IL2RB: variants seen among roughly 807,000 people sequenced by gnomAD.
IL2RB encodes interleukin-2 receptor subunit beta.
A neutral mutation model predicts 44.2 loss-of-function variants in IL2RB; 17 were observed. The observed-to-expected ratio is 0.38, with a 90% confidence interval of 0.26 to 0.58. The LOEUF is 0.58. Ranked by LOEUF, IL2RB falls within the 20% of genes least tolerant of loss-of-function variation. The pLI, the probability that IL2RB is intolerant of heterozygous loss-of-function variation, is 0.63. For missense variants in IL2RB, 624 were observed against 685.5 expected (o/e 0.91, Z 1.00); for synonymous variants, 286 against 297.9 (o/e 0.96, Z 0.41).
intron 4 of IL2RB, among the ~76,000 whole-genome samples, chr22:37,142,182 G>A (rs1922000228): frequency 6.6e-6 from 1 of 152,230 alleles, no homozygotes; most frequent in Non-Finnish European, 1.5e-5. Flanking sequence ...AGGGGAGACA[G>A]CAGGAGCAGA....
downstream of IL2RB, chr22:37,125,842 G>A (rs1921085277): frequency 6.6e-6 from 1 of 152,118 alleles, no homozygotes; most frequent in Non-Finnish European, 1.5e-5. Flanking sequence ...ACACTATTTT[G>A]TTGCATTGTA....
chr22:37,142,615 GC>G (rs1569046161), intron 3 of IL2RB, 103 bp from the exon 4 acceptor site: 1 of 1,231,530 alleles, frequency 8.1e-7, no homozygotes, highest in Non-Finnish European at 1.2e-6. Flanking sequence ...GCACCAGGCA[GC>G]AAGGCCAGGC....
chr22:37,132,112 C>T (rs1428857216), intron 9 of IL2RB, among the ~76,000 whole-genome samples: 1 of 152,128 alleles, frequency 6.6e-6, no homozygotes. Context: ...TGTTTTTCTC[C>T]TCATCTAACA....
At chr22:37,139,697 C>T (rs1009251115) in intron 4 of IL2RB, among the ~76,000 whole-genome samples, 9 of 152,212 alleles carry the variant, frequency 5.9e-5, no homozygotes, top group African/African-American at 2.2e-4. Context: ...GAAAGGCCCT[C>T]CCCTCCCCTA....
chr22:37,159,823 C>T (rs919024158), intron 1 of IL2RB, among the ~76,000 whole-genome samples: 2 of 152,224 alleles, frequency 1.3e-5, no homozygotes, highest in African/African-American at 4.8e-5. Flanking sequence ...GGACCCCCCA[C>T]TTTGGTTGGC....
chr22:37,137,284 G>A (rs954250662), intron 6 of IL2RB, among the ~76,000 whole-genome samples: 10 of 152,240 alleles, frequency 6.6e-5, no homozygotes, highest in Admixed American at 2.6e-4. Flanking sequence ...ACACGTGGAG[G>A]GTTGGCTTCC....
At chr22:37,144,233 C>T in intron 1 of IL2RB, 28 bp from the exon 2 acceptor site, 2 of 1,516,524 alleles carry the variant, frequency 1.3e-6, no homozygotes, top group Non-Finnish European at 8.8e-7. Context: ...AGAGAGAGCA[C>T]ACGTAAATAC....
intron 5 of IL2RB, among the ~76,000 whole-genome samples, chr22:37,138,383 C>T (rs1174315377): frequency 1.3e-5 from 2 of 152,142 alleles, no homozygotes; most frequent in Non-Finnish European, 1.5e-5. Context: ...TAGGTGACTC[C>T]GATTCTCCCC....
intron 8 of IL2RB, among the ~76,000 whole-genome samples, chr22:37,134,376 G>A (rs1159275971): frequency 1.3e-5 from 2 of 152,124 alleles, no homozygotes; most frequent in East Asian, 1.9e-4. Context: ...AGGCCAAGGC[G>A]AGTGGATCAC....
chr22:37,133,308 C>T (rs3218316), intron 8 of IL2RB, among the ~76,000 whole-genome samples: 19,567 of 152,026 alleles, frequency 0.13, 1,461 homozygotes, highest in South Asian at 0.25. Flanking sequence ...GCGGAGGGGA[C>T]GGGTGGGTGG....
At chr22:37,167,533 C>T (rs1472971783) in intron 1 of IL2RB, among the ~76,000 whole-genome samples, 1 of 152,232 alleles carries the variant, frequency 6.6e-6, no homozygotes, top group Admixed American at 6.5e-5. Context: ...CCCCACTGCC[C>T]CTGGCTGTCT....
intron 3 of IL2RB, 49 bp from the exon 4 acceptor site, chr22:37,142,561 G>T: frequency 6.4e-7 from 1 of 1,562,790 alleles, no homozygotes; most frequent in Non-Finnish European, 8.8e-7. Flanking sequence ...GACCCACACA[G>T]CTGGCCCAAG....
intron 6 of IL2RB, among the ~76,000 whole-genome samples, chr22:37,137,159 G>A (rs943213497): frequency 7.2e-5 from 11 of 152,334 alleles, no homozygotes; most frequent in East Asian, 1.9e-4. Flanking sequence ...ATCATTCAGC[G>A]CATAGTAGGT....
At chr22:37,149,937 CT>C, upstream of IL2RB, 1 of 984,880 alleles carries the variant, frequency 1.0e-6, no homozygotes, top group Non-Finnish European at 1.2e-6. Flanking sequence ...GCCGCAAAGA[CT>C]AAAAGCCCAG....
intron 6 of IL2RB, 59 bp downstream of exon 6, chr22:37,137,528 A>C: frequency 6.4e-7 from 1 of 1,572,690 alleles, no homozygotes; most frequent in Non-Finnish European, 8.7e-7. Context: ...AAGGGACAGG[A>C]CATGGACCAG....
upstream of IL2RB, among the ~76,000 whole-genome samples, chr22:37,153,037 C>T (rs537490733): frequency 4.7e-5 from 7 of 148,814 alleles, no homozygotes; most frequent in South Asian, 1.3e-3. Context: ...AAAGTTCAAG[C>T]GATTCTCCTG....
At chr22:37,154,061 C>A (rs1485569697), upstream of IL2RB, among the ~76,000 whole-genome samples, 5 of 152,166 alleles carry the variant, frequency 3.3e-5, no homozygotes, top group Non-Finnish European at 7.3e-5. Context: ...AAGCCTGAGG[C>A]GCGCAGCCCA....
At chr22:37,129,924 GC>G (rs1921339610) in intron 9 of IL2RB, among the ~76,000 whole-genome samples, 1 of 152,180 alleles carries the variant, frequency 6.6e-6, no homozygotes, top group African/African-American at 2.4e-5. Context: ...GCCCAGCATG[GC>G]GGGTCTCATG....
At chr22:37,172,194 A>G (rs1185804987) in intron 1 of IL2RB, among the ~76,000 whole-genome samples, 2 of 149,432 alleles carry the variant, frequency 1.3e-5, no homozygotes, top group Non-Finnish European at 2.9e-5. Flanking sequence ...AAGAAAACTC[A>G]ACTATTAACT....
Sources: gnomAD v4.1 joint callset for allele counts (sites outside exome capture counted in the v4.1 genomes callset) on GRCh38, gnomAD v4.1.1 for gene constraint, MANE v1.5 for transcripts, NCBI Gene and HGNC (gene_info 2026-07-23, HGNC 2026-07-21) for gene names.